HIF3A: variants seen among roughly 807,000 people sequenced by gnomAD.
The protein encoded by HIF3A is hypoxia inducible factor 3 subunit alpha.
In HIF3A, 41 loss-of-function variants were observed where a neutral mutation model predicts 67.2. The ratio of observed to expected loss-of-function variants is 0.61; its 90% CI spans 0.48 to 0.79. The LOEUF (loss-of-function observed/expected upper bound fraction) is 0.79, where lower values mean the gene tolerates loss of function less well. Ranked by LOEUF, HIF3A falls within the 30% of genes least tolerant of loss-of-function variation. The probability of loss-of-function intolerance (pLI) is 0.00; values close to 1 mark genes in which losing one functional copy is unlikely to be tolerated. For missense variants in HIF3A, 855 were observed against 898.0 expected, an observed-to-expected ratio of 0.95 and a Z score of 0.61; for synonymous variants, 356 against 374.8, an observed-to-expected ratio of 0.95 and a Z score of 0.58.
intron 3 of HIF3A, among the ~76,000 whole-genome samples, chr19:46,305,985 G>A (rs572152523): frequency 1.3e-5 from 2 of 152,230 alleles, no homozygotes; most frequent in African/African-American, 2.4e-5. Flanking sequence ...AGGCTGAGGT[G>A]GGAAGATCAT....
chr19:46,312,881 AATTTTTTTTTT>A, intron 8 of HIF3A: 2 of 944,356 alleles, frequency 2.1e-6, no homozygotes, highest in African/African-American at 2.4e-5. Flanking sequence ...GTAGACTGTT[AATTTTTTTTTT>A]TTTTTTTTTT....
At chr19:46,321,687 A>G in intron 9 of HIF3A, 89 bp from the exon 10 acceptor site, 1 of 1,175,384 alleles carries the variant, frequency 8.5e-7, no homozygotes, top group South Asian at 1.4e-5. Context: ...TGAAGATGTC[A>G]ACTGTGTTCC....
Position 46,329,140 on chromosome 19 carries a change from T to C in HIF3A, c.1441-67T>C, listed in dbSNP as rs1970996682. 7 of 1,450,546 alleles carry C rather than the reference T, an allele frequency of 4.8e-6. No individual in the cohort carries two copies. The South Asian group carries it at 9.3e-5, about 19-fold the overall frequency. The allele number at this position is 1,450,546 out of a possible 1,614,324, so 89.9% of individuals were successfully genotyped here. ...GCACAGAACTCAGAAGTGATGGTGC[T>C]GGGACTTCAGCCAAGGTCCACCCAA... On this transcript the variant is annotated intron_variant, in intron 11 of 14. Coordinates refer to ENST00000377670, the MANE Select transcript of HIF3A (RefSeq NM_152795.4).
chr19:46,329,526 G>A (rs377091370), intron 12 of HIF3A, 48 bp downstream of exon 12: 158 of 1,452,222 alleles, frequency 1.1e-4, no homozygotes, highest in African/African-American at 6.6e-4. Context: ...CCCTCACCCC[G>A]TCTTGCCCCT....
intron 8 of HIF3A, among the ~76,000 whole-genome samples, chr19:46,315,027 T>G (rs926273698): frequency 6.9e-6 from 1 of 145,558 alleles, no homozygotes. Flanking sequence ...TTACTTAGCT[T>G]GATATATTTA....
At chr19:46,304,853 G>T (rs1380553288) in intron 2 of HIF3A, among the ~76,000 whole-genome samples, 1 of 151,788 alleles carries the variant, frequency 6.6e-6, no homozygotes, top group East Asian at 2.0e-4. Context: ...CCCTCCATGA[G>T]TTTGAACCCC....
chr19:46,322,513 C>A (rs1014337956), intron 10 of HIF3A, among the ~76,000 whole-genome samples: 2 of 152,158 alleles, frequency 1.3e-5, no homozygotes, highest in Non-Finnish European at 2.9e-5. Flanking sequence ...AATCTCGGCT[C>A]ACTGCAACCT....
chr19:46,341,802 CG>C lies in HIF3A; in HGVS notation c.*2182del, dbSNP rs1261645987. On this transcript the variant is annotated 3_prime_UTR_variant, in exon 15 of 15. Coordinates refer to ENST00000377670, the MANE Select transcript of HIF3A (RefSeq NM_152795.4). The stretch of plus-strand genomic sequence containing the variant: ...GATTACAGGAGCCCACCACCACATC[CG>C]GCTACCTTTGTGTATTTTTTAGTAG... 1 of 151,918 alleles carries C rather than the reference CG, an allele frequency of 6.6e-6. No homozygotes were observed. The highest frequency in any genetic ancestry group is 1.5e-5 in the Non-Finnish European group (1 of 67,996). 9.4% of individuals were successfully genotyped at this position (151,918 alleles called of 1,614,324 possible). A position where few individuals can be genotyped will look rare whatever the true frequency, so the allele number is the denominator to read the frequency against.
intron 1 of HIF3A, chr19:46,298,541 C>A (rs1257448094): frequency 4.8e-6 from 6 of 1,251,128 alleles, no homozygotes; most frequent in Non-Finnish European, 6.2e-6. Flanking sequence ...CACCTCCTTT[C>A]CCCCTTCCCT....
Position 46,310,224 on chromosome 19 carries a change from C to T in HIF3A, c.770+865C>T, listed in dbSNP as rs182239943. Among the ~76,000 whole-genome samples the T allele has an allele frequency of 7.9e-5, 12 of 151,410 alleles. 1 individual carries two copies. The East Asian group carries it at 1.9e-3, about 24-fold the overall frequency. On this transcript the variant is annotated intron_variant, in intron 6 of 14. Coordinates refer to ENST00000377670, the MANE Select transcript of HIF3A (RefSeq NM_152795.4). Reference sequence around the variant, plus strand: ...TAGGCAACAGAACAAGACTCCGTCTCGAAAAAGAAAAAAAAGAAAAAATTT... The same window carrying T: ...TAGGCAACAGAACAAGACTCCGTCTTGAAAAAGAAAAAAAAGAAAAAATTT...
intron 13 of HIF3A, among the ~76,000 whole-genome samples, chr19:46,333,795 T>C (rs1032603133): frequency 3.0e-5 from 4 of 133,468 alleles, no homozygotes; most frequent in Non-Finnish European, 6.5e-5. Context: ...TTTCTTTTTT[T>C]TTTTTTTTTT....
chr19:46,308,768 C>T lies in HIF3A; in HGVS notation c.554C>T (p.Thr185Ile), dbSNP rs1488473706. The T allele has an allele frequency of 3.7e-6, 6 of 1,602,064 alleles. No homozygotes were observed. Among genetic ancestry groups the T allele is most frequent in the Non-Finnish European group, 4.3e-6 (5 of 1,173,374 alleles). Reference protein sequence around the residue: ...RGRTLNLKAATWKVLNCSGHM... With the variant: ...RGRTLNLKAAIWKVLNCSGHM... ...CGCACCCTCAACCTCAAGGCGGCCACCTGGAAGGTGCGTGGGGCCGGGCCA... is the reference window on the plus strand; with the variant it reads ...CGCACCCTCAACCTCAAGGCGGCCATCTGGAAGGTGCGTGGGGCCGGGCCA... Residue 185 changes from threonine to isoleucine, a missense_variant, in exon 5 of 15, where the codon ACC (threonine) becomes ATC (isoleucine). By Grantham distance (89) the Thr-to-Ile change is moderately conservative. Transcript: ENST00000377670.
rs1364115712 is a variant in HIF3A, at chr19:46,297,133, A to T, written c.26+31A>T. On this transcript the variant is annotated intron_variant, in intron 1 of 14. Transcript: ENST00000377670. The surrounding 1 kb of genome is among the most constrained non-coding windows in gnomAD (Gnocchi z 4.5). Reference sequence around the variant, plus strand: ...GAAGTTCGGGGGCAGGAGTTCTGGGAATTGGGGGGCTCTCCTCCTGGAGAC... The same window carrying T: ...GAAGTTCGGGGGCAGGAGTTCTGGGTATTGGGGGGCTCTCCTCCTGGAGAC... 1 of 1,136,506 alleles carries T rather than the reference A, an allele frequency of 8.8e-7. No individual in the cohort carries two copies. Among genetic ancestry groups the T allele is most frequent in the Non-Finnish European group, 1.1e-6 (1 of 885,334 alleles). The allele number at this position is 1,136,506 out of a possible 1,614,324, so 70.4% of individuals were successfully genotyped here. A position where few individuals can be genotyped will look rare whatever the true frequency, so the allele number is the denominator to read the frequency against.
chr19:46,310,162 T>G (rs1969303643), intron 6 of HIF3A, among the ~76,000 whole-genome samples: 1 of 151,646 alleles, frequency 6.6e-6, no homozygotes, highest in African/African-American at 2.4e-5. Context: ...GAGGCGGAGG[T>G]TGCAGTGAGC....
rs762589068 is a variant in HIF3A, at chr19:46,308,299, C to T, written c.442C>T (p.Gln148Ter). The change falls in exon 4 of 15, where the codon CAG becomes TAG. Residue 148 changes from glutamine (Q) to a stop codon, truncating the protein, a stop_gained. Coordinates refer to ENST00000377670, the MANE Select transcript of HIF3A (RefSeq NM_152795.4). LOFTEE classifies it high-confidence loss of function. ...GGAGCTTCAGGACGCCCTGACCCCC[C>T]AGCAGAGTGAGTTCCCTGGAGGCCT... ...QEELQDALTP[Q>*]QTLSRRKVEA... The T allele has an allele frequency of 6.2e-7, 1 of 1,608,142 alleles. No homozygotes were observed. Among genetic ancestry groups the T allele is most frequent in the Admixed American group, 1.7e-5 (1 of 59,570 alleles).
At chr19:46,338,295 G>A (rs779926605) in intron 14 of HIF3A, 40 of 452,982 alleles carry the variant, frequency 8.8e-5, no homozygotes, top group South Asian at 4.1e-4. Context: ...TCGACCTCCT[G>A]GGCTCAAGTG....
intron 12 of HIF3A, among the ~76,000 whole-genome samples, chr19:46,330,047 AGGAG>A (rs567991794): frequency 4.7e-4 from 64 of 136,382 alleles, no homozygotes; most frequent in Middle Eastern, 3.6e-3. Context: ...AAGGAAGGGA[AGGAG>A]GGAGGGAGGG....
At position 46,309,812 on chromosome 19, in the gene HIF3A, C is replaced by T. The variant is rs142390090; in HGVS notation, c.770+453C>T. Among the ~76,000 whole-genome samples, 220 of 152,256 alleles carry T rather than the reference C, an allele frequency of 1.4e-3. 3 individuals are homozygous for T. Among genetic ancestry groups the T allele is most frequent in the African/African-American group, 4.6e-3 (192 of 41,556 alleles). Reference sequence around the variant, plus strand: ...TTCAATAAATTGTCGATAGGCCAGGCACAGTGGCTCACACCGGCAGTACCA... The same window carrying T: ...TTCAATAAATTGTCGATAGGCCAGGTACAGTGGCTCACACCGGCAGTACCA... On this transcript the variant is annotated intron_variant, in intron 6 of 14. Coordinates refer to ENST00000377670, the MANE Select transcript of HIF3A (RefSeq NM_152795.4).
chr19:46,304,036 T>C lies in HIF3A; in HGVS notation c.165T>C (p.Ser55=), dbSNP rs776320049. Residue 55 remains serine (S), a synonymous_variant, in exon 2 of 15, where the codon TCT becomes TCC. Coordinates refer to ENST00000377670, the MANE Select transcript of HIF3A (RefSeq NM_152795.4). Reference sequence around the variant, plus strand: ...TCAGCGCCCACCTGGACAAGGCCTCTATCATGCGCCTCACCATCAGCTACC... The same window carrying C: ...TCAGCGCCCACCTGGACAAGGCCTCCATCATGCGCCTCACCATCAGCTACC... The part of the protein sequence containing the change: ...RGVSAHLDKA[S]IMRLTISYLR... The C allele has an allele frequency of 2.4e-5, 38 of 1,589,624 alleles. No individual in the cohort carries two copies. Among genetic ancestry groups the C allele is most frequent in the Non-Finnish European group, 3.1e-5 (36 of 1,168,920 alleles).
Sources: allele counts gnomAD v4.1 joint callset (sites outside exome capture counted in the v4.1 genomes callset), GRCh38; gene constraint gnomAD v4.1.1; non-coding constraint Gnocchi (gnomAD v3.1); transcripts MANE v1.5; gene names NCBI Gene and HGNC (gene_info 2026-07-23, HGNC 2026-07-21).